SCFD2: variants seen among roughly 807,000 people sequenced by gnomAD.
SCFD2 encodes the protein sec1 family domain containing 2, also known as sec1 family domain-containing protein 2.
A neutral mutation model predicts 58.9 loss-of-function variants in SCFD2; 54 were observed. That is an observed-to-expected ratio of 0.92 (90% CI 0.74 to 1.15). The LOEUF is 1.15. SCFD2 is among the 50% of genes most tolerant of loss of function. The probability of loss-of-function intolerance (pLI) is 0.00; values close to 1 mark genes in which losing one functional copy is unlikely to be tolerated. For synonymous variants in SCFD2, 321 were observed against 335.9 expected, an observed-to-expected ratio of 0.96 and a Z score of 0.49; for missense variants, 805 against 836.6, an observed-to-expected ratio of 0.96 and a Z score of 0.47.
rs1645518965 is a variant in SCFD2, at chr4:53,313,552, C to T, written c.1135+84G>A. The T allele has an allele frequency of 3.2e-6, 5 of 1,542,128 alleles. No homozygotes were observed. In the Admixed American group the frequency reaches 6.9e-5, roughly 21 times the overall value. ...GTCGTTACTACTTTGGCCTAGATTC[C>T]ATGTTGGCTAGCTTGGCCCACAATT... On this transcript the variant is annotated intron_variant, in intron 3 of 8. Transcript: ENST00000401642.
At position 53,232,878 on chromosome 4, in the gene SCFD2, T is replaced by A. The variant is rs186726913; in HGVS notation, c.1311+40948A>T. On this transcript the variant is annotated intron_variant, in intron 4 of 8. Coordinates refer to ENST00000401642, the MANE Select transcript of SCFD2 (RefSeq NM_152540.4). ...TGCTGTGAGTCCTTTAACTTCAAAG[T>A]AAAGAATGAGAAGAACAGAGGGAGA... Among the ~76,000 whole-genome samples the A allele has an allele frequency of 2.7e-3, 413 of 152,256 alleles. 1 individual carries two copies. Among genetic ancestry groups the A allele is most frequent in the African/African-American group, 9.5e-3 (395 of 41,544 alleles).
At chr4:52,975,089 C>A in intron 5 of SCFD2, among the ~76,000 whole-genome samples, 1 of 152,098 alleles carries the variant, frequency 6.6e-6, no homozygotes, top group East Asian at 1.9e-4. Flanking sequence ...CTAGGCAATA[C>A]CATTCAGGAC....
rs564453370 is a variant in SCFD2 at position 53,027,901 on chromosome 4, A to T, written c.1562-107031T>A. 1.3e-4 allele frequency among the ~76,000 whole-genome samples: 19 copies of T among 150,388 alleles called. 1 individual carries two copies. The highest frequency in any genetic ancestry group is 3.4e-3 in the Middle Eastern group (1 of 292). The stretch of plus-strand genomic sequence containing the variant: ...ACATTTTTGTACTAATTAAGATTTT[A>T]TTTTTTTTTTCTTTATGGGATAGAC... On this transcript the variant is annotated intron_variant, in intron 5 of 8. Coordinates refer to ENST00000401642, the MANE Select transcript of SCFD2 (RefSeq NM_152540.4).
At chr4:53,149,514 TTA>T (rs1726444266) in intron 4 of SCFD2, among the ~76,000 whole-genome samples, 1 of 152,214 alleles carries the variant, frequency 6.6e-6, no homozygotes, top group Non-Finnish European at 1.5e-5. Flanking sequence ...CAAATCTTCC[TTA>T]AGGAATTCCA....
chr4:52,935,173 A>C (rs985732701), intron 5 of SCFD2, among the ~76,000 whole-genome samples: 22 of 152,364 alleles, frequency 1.4e-4, no homozygotes, highest in African/African-American at 4.3e-4. Context: ...TTCCCAAAAC[A>C]GTGCTTGTGC....
intron 2 of SCFD2, among the ~76,000 whole-genome samples, chr4:53,351,704 A>G (rs984994076): frequency 3.3e-5 from 5 of 152,198 alleles, no homozygotes; most frequent in Non-Finnish European, 5.9e-5. Flanking sequence ...CACCAAATGG[A>G]CAAAAGTCTA....
intron 8 of SCFD2, among the ~76,000 whole-genome samples, chr4:52,883,869 G>C (rs1184883040): frequency 6.6e-6 from 1 of 152,166 alleles, no homozygotes; most frequent in East Asian, 1.9e-4. Flanking sequence ...AGTAACAGAA[G>C]AATGGTCATA....
chr4:52,958,739 T>C (rs1177918923), intron 5 of SCFD2, among the ~76,000 whole-genome samples: 1 of 152,208 alleles, frequency 6.6e-6, no homozygotes, highest in African/African-American at 2.4e-5. Flanking sequence ...CAGGTGTCTC[T>C]GTACACCTCT....
intron 4 of SCFD2, among the ~76,000 whole-genome samples, chr4:53,200,051 T>A (rs1427187369): frequency 6.6e-6 from 1 of 152,080 alleles, no homozygotes; most frequent in Non-Finnish European, 1.5e-5. Flanking sequence ...CCCACCCTCA[T>A]GACCTCATGT....
chr4:53,035,095 C>G (rs1577675016), intron 5 of SCFD2, among the ~76,000 whole-genome samples: 1 of 152,284 alleles, frequency 6.6e-6, no homozygotes, highest in Non-Finnish European at 1.5e-5. Context: ...CCACAGTAAC[C>G]AAAACAGCAT....
At chr4:53,073,308 A>G (rs1723876792) in intron 5 of SCFD2, among the ~76,000 whole-genome samples, 1 of 152,116 alleles carries the variant, frequency 6.6e-6, no homozygotes, top group Non-Finnish European at 1.5e-5. Flanking sequence ...GTATCCATAG[A>G]AGGTCCTGGA....
chr4:53,164,527 C>G (rs1726946571), intron 4 of SCFD2, among the ~76,000 whole-genome samples: 1 of 152,152 alleles, frequency 6.6e-6, no homozygotes, highest in African/African-American at 2.4e-5. Flanking sequence ...AATGTGGTGT[C>G]TCATGCCTGT....
At chr4:53,088,142 G>A (rs947332750) in intron 5 of SCFD2, among the ~76,000 whole-genome samples, 7 of 152,318 alleles carry the variant, frequency 4.6e-5, no homozygotes, top group Middle Eastern at 3.4e-3. Context: ...CAGTAAAGAT[G>A]TGACCAAGCA....
At chr4:53,229,715 G>A (rs1016867370) in intron 4 of SCFD2, among the ~76,000 whole-genome samples, 1 of 152,160 alleles carries the variant, frequency 6.6e-6, no homozygotes, top group Non-Finnish European at 1.5e-5. Context: ...GCATGGGCAA[G>A]GACTTCATGT....
intron 5 of SCFD2, among the ~76,000 whole-genome samples, chr4:53,102,164 CAAA>C (rs1724849085): frequency 6.6e-6 from 1 of 152,060 alleles, no homozygotes; most frequent in Non-Finnish European, 1.5e-5. Context: ...GCTGGGGCAG[CAAA>C]GAACATTTTA....
rs11939804 is a variant in SCFD2 at position 53,123,800 on chromosome 4, C to T, written c.1561+21533G>A. ...GGAGCTCCAGACAGAACACACTGCT[C>T]CAGTTCCACACAGATCTTCAGACAG... On this transcript the variant is annotated intron_variant, in intron 5 of 8. Transcript: ENST00000401642. Among the ~76,000 whole-genome samples the T allele has an allele frequency of 3.6e-3, 554 of 152,316 alleles. 3 individuals are homozygous for T. The highest frequency in any genetic ancestry group is 4.7e-3 in the Non-Finnish European group (317 of 68,026).
chr4:53,300,578 G>T (rs927223199), intron 3 of SCFD2, among the ~76,000 whole-genome samples: 26 of 151,964 alleles, frequency 1.7e-4, no homozygotes, highest in Non-Finnish European at 2.8e-4. Flanking sequence ...GGAATTGAAC[G>T]CAGCTCTGCA....
chr4:52,930,803 AGACAAAG>A (rs1719974804), intron 5 of SCFD2, among the ~76,000 whole-genome samples: 2 of 152,166 alleles, frequency 1.3e-5, no homozygotes, highest in Non-Finnish European at 2.9e-5. Context: ...AATACACTGT[AGACAAAG>A]AGATTCTGAA....
chr4:53,100,020 T>C (rs1724787432), intron 5 of SCFD2, among the ~76,000 whole-genome samples: 1 of 152,062 alleles, frequency 6.6e-6, no homozygotes, highest in South Asian at 2.1e-4. Flanking sequence ...TAAATACCAA[T>C]AAATAATGGT....
Sources: gnomAD v4.1 joint callset for allele counts (sites outside exome capture counted in the v4.1 genomes callset) on GRCh38, gnomAD v4.1.1 for gene constraint, MANE v1.5 for transcripts, NCBI Gene and HGNC (gene_info 2026-07-23, HGNC 2026-07-21) for gene names.